The following PHKA1 variants were observed in gnomAD, a reference collection of about 807,000 sequenced individuals.
The protein encoded by PHKA1 is phosphorylase b kinase regulatory subunit alpha, skeletal muscle isoform.
In PHKA1, 60 loss-of-function variants were observed where a neutral mutation model predicts 110.2. The ratio of observed to expected loss-of-function variants is 0.54; its 90% CI spans 0.44 to 0.68. PHKA1 has a LOEUF of 0.68. Ranked by LOEUF, PHKA1 falls within the 30% of genes least tolerant of loss-of-function variation. The pLI is 0.00. For synonymous variants in PHKA1, 316 were observed against 333.6 expected (o/e 0.95, Z 0.58); for missense variants, 801 against 942.5 (o/e 0.85, Z 1.97).
At chrX:72,629,249 C>A (rs1203211801) in intron 16 of PHKA1, among the ~76,000 whole-genome samples, 1 of 111,202 alleles carries the variant, frequency 9.0e-6, no homozygotes, top group African/African-American at 3.3e-5. Flanking sequence ...ACATGGTGTA[C>A]CTCTCTACTA....
At chrX:72,711,628 C>A (rs2054385943) in intron 2 of PHKA1, among the ~76,000 whole-genome samples, 1 of 111,146 alleles carries the variant, frequency 9.0e-6, no homozygotes, top group Admixed American at 9.5e-5. Context: ...CATGTAGTCC[C>A]AGCTACTCGG....
At chrX:72,647,706 T>C (rs193150179) in intron 13 of PHKA1, among the ~76,000 whole-genome samples, 23 of 109,189 alleles carry the variant, frequency 2.1e-4, no homozygotes, top group Non-Finnish European at 4.2e-4. Context: ...AGGGAAGAAG[T>C]AAGAAGGTGG....
At chrX:72,639,207 T>C (rs1412067422) in intron 14 of PHKA1, among the ~76,000 whole-genome samples, 1 of 112,172 alleles carries the variant, frequency 8.9e-6, no homozygotes, top group East Asian at 2.8e-4. Flanking sequence ...TCCTTGAATA[T>C]ATGCCCTTGT....
Position 72,622,818 on chromosome X carries a change from AC to A in PHKA1, c.1960+290del. 3 of 753,560 alleles carry A rather than the reference AC, an allele frequency of 4.0e-6. No homozygotes were observed. The South Asian group carries it at 2.0e-4, about 51-fold the overall frequency. The allele number at this position is 753,560 out of a possible 1,213,427, so 62.1% of individuals were successfully genotyped here. On this transcript the variant is annotated intron_variant, in intron 18 of 31. Coordinates refer to ENST00000373542, the MANE Select transcript of PHKA1 (RefSeq NM_002637.4). ...CTTGATTAATCATCTCTCACTCACC[AC>A]TGCTTCTTCCCATGTCAAAATCACC...
chrX:72,620,060 A>T (rs1169413628), intron 19 of PHKA1, among the ~76,000 whole-genome samples: 1 of 112,153 alleles, frequency 8.9e-6, no homozygotes, highest in Non-Finnish European at 1.9e-5. Flanking sequence ...CCCAATGTTC[A>T]TGTTTAATGT....
chrX:72,691,308 T>C (rs1253503493), intron 4 of PHKA1, among the ~76,000 whole-genome samples: 1 of 112,607 alleles, frequency 8.9e-6, no homozygotes, highest in African/African-American at 3.2e-5. Context: ...TTAATTAATA[T>C]AGCTTTGTAG....
intron 28 of PHKA1, among the ~76,000 whole-genome samples, chrX:72,593,771 C>A (rs1425951465): frequency 8.9e-6 from 1 of 112,520 alleles, no homozygotes; most frequent in African/African-American, 3.2e-5. Context: ...CAGTGCTGTA[C>A]GCTGGTACAA....
chrX:72,613,312 TA>T (rs1415506330), intron 21 of PHKA1, among the ~76,000 whole-genome samples: 1 of 109,520 alleles, frequency 9.1e-6, no homozygotes, highest in Non-Finnish European at 1.9e-5. Flanking sequence ...TTTGGATAAA[TA>T]GGGGTAAAAT....
intron 20 of PHKA1, 92 bp from the exon 21 acceptor site, chrX:72,618,941 CT>C: frequency 2.3e-6 from 2 of 860,077 alleles, no homozygotes; most frequent in East Asian, 3.1e-5. Flanking sequence ...ACCTCTAAAC[CT>C]TTTCCAAGGA....
At chrX:72,635,053 A>G in intron 16 of PHKA1, 102 bp downstream of exon 16, 1 of 1,029,121 alleles carries the variant, frequency 9.7e-7, no homozygotes, top group South Asian at 2.0e-5. Context: ...CTGAAAGAAT[A>G]AATTATAAGA....
In PHKA1 at chrX:72,580,907, G is replaced by T; in HGVS notation, c.*95C>A. The T allele has an allele frequency of 1.3e-6, 1 of 783,107 alleles. No individual in the cohort carries two copies. The highest frequency in any genetic ancestry group is 1.9e-6 in the Non-Finnish European group (1 of 521,830). The allele number at this position is 783,107 out of a possible 1,213,427, so 64.5% of individuals were successfully genotyped here. On this transcript the variant is annotated 3_prime_UTR_variant, in exon 32 of 32. Transcript: ENST00000373542. Reference sequence around the variant, plus strand: ...GGATGGGACAGAAAGGGGCAGGGTTGGAGTGATTAGGCAATAACATTTTAG... The same window carrying T: ...GGATGGGACAGAAAGGGGCAGGGTTTGAGTGATTAGGCAATAACATTTTAG...
At position 72,621,651 on chromosome X, in the gene PHKA1, G is replaced by A. The variant is rs782132834; in HGVS notation, c.1961-750C>T. ...CTTCTGGTTTTTGATGATATTTACTGATCTCTCCAGATGTCTTTCTGTGCT... is the reference window on the plus strand; with the variant it reads ...CTTCTGGTTTTTGATGATATTTACTAATCTCTCCAGATGTCTTTCTGTGCT... On this transcript the variant is annotated intron_variant, in intron 18 of 31. Transcript: ENST00000373542. 6 of 304,292 alleles carry A rather than the reference G, an allele frequency of 2.0e-5. No homozygotes were observed. In the South Asian group the frequency reaches 1.0e-3, roughly 51 times the overall value. 25.1% of individuals were successfully genotyped at this position (304,292 alleles called of 1,213,427 possible).
At chrX:72,669,396 ATACTT>A (rs1418523288) in intron 6 of PHKA1, among the ~76,000 whole-genome samples, 1 of 109,460 alleles carries the variant, frequency 9.1e-6, no homozygotes, top group African/African-American at 3.3e-5. Flanking sequence ...TATTACTATT[ATACTT>A]TAAGTTTTAG....
At chrX:72,709,998 C>T (rs1052436577) in intron 2 of PHKA1, among the ~76,000 whole-genome samples, 2 of 98,915 alleles carry the variant, frequency 2.0e-5, no homozygotes, top group African/African-American at 3.8e-5. Flanking sequence ...GCCGAGATCG[C>T]ACCGCCGCAC....
At chrX:72,704,463 T>A (rs1556331389) in intron 3 of PHKA1, among the ~76,000 whole-genome samples, 1 of 111,644 alleles carries the variant, frequency 9.0e-6, no homozygotes, top group African/African-American at 3.3e-5. Context: ...ATACACCATA[T>A]AATTAAAGGT....
Position 72,603,202 on chromosome X carries a change from C to T in PHKA1, c.2834G>A (p.Gly945Asp). 8.3e-7 allele frequency: 1 copy of T among 1,198,075 alleles called. No homozygotes were observed. The highest frequency in any genetic ancestry group is 1.1e-6 in the Non-Finnish European group (1 of 883,685). ...LRCSAEEATE[G>D]LMNLSPSAMK... The stretch of plus-strand genomic sequence containing the variant: ...GGCCGAAGGACTGAGATTCATCAGG[C>T]CCTCTGTGGCTTCCTCAGCTAGTCA... The change falls in exon 26 of 32, where the codon GGC becomes GAC. Residue 945 changes from glycine to aspartate, a missense_variant. By Grantham distance (94) the Gly-to-Asp change is moderately conservative. Around this residue, in one of 2 missense-constraint regions of PHKA1, gnomAD observed 502 missense variants for 519.2 expected, o/e 0.97. Transcript: ENST00000373542.
At chrX:72,686,247 G>A (rs782689107) in intron 4 of PHKA1, among the ~76,000 whole-genome samples, 12 of 111,698 alleles carry the variant, frequency 1.1e-4, no homozygotes, top group African/African-American at 2.0e-4. Flanking sequence ...ATCAAACTGT[G>A]CCGAAGGATA....
intron 28 of PHKA1, among the ~76,000 whole-genome samples, chrX:72,596,068 G>A (rs1556233791): frequency 8.9e-6 from 1 of 111,963 alleles, no homozygotes; most frequent in East Asian, 2.8e-4. Context: ...CAACTGAATG[G>A]CAAAAGAAAA....
Position 72,635,277 on chromosome X carries a change from T to A in PHKA1, c.1592A>T (p.Tyr531Phe), listed in dbSNP as rs781878909. Residue 531 changes from tyrosine (Y) to phenylalanine (F), a missense_variant, in exon 16 of 32, where the codon TAC becomes TTC. Physicochemically the swap from Tyr to Phe is conservative, Grantham distance 22. Coordinates refer to ENST00000373542, the MANE Select transcript of PHKA1 (RefSeq NM_002637.4). ...TATCATCTTGTTGTCCAGAGCCAGGTAGAACTGTTGCTGGTCTATAAACTG... is the reference window on the plus strand; with the variant it reads ...TATCATCTTGTTGTCCAGAGCCAGGAAGAACTGTTGCTGGTCTATAAACTG... ...TPQFIDQQQF[Y>F]LALDNKMIVE... 3.9e-5 allele frequency: 47 copies of A among 1,207,719 alleles called. No individual in the cohort carries two copies. Among genetic ancestry groups the A allele is most frequent in the Non-Finnish European group, 4.9e-5 (44 of 893,437 alleles).
Sources: allele counts gnomAD v4.1 joint callset (sites outside exome capture counted in the v4.1 genomes callset), GRCh38; gene constraint gnomAD v4.1.1; regional missense constraint gnomAD v4.1.1; transcripts MANE v1.5; gene names NCBI Gene and HGNC (gene_info 2026-07-23, HGNC 2026-07-21).